Variants in ADAMTS14 observed in about 807,000 individuals in gnomAD.
The protein encoded by ADAMTS14 is A disintegrin and metalloproteinase with thrombospondin motifs 14.
Under a neutral mutation model 128.6 loss-of-function variants are expected in ADAMTS14, and 100 were observed. The ratio of observed to expected loss-of-function variants is 0.78; its 90% CI spans 0.66 to 0.92. ADAMTS14 has a LOEUF of 0.92. Among genes scored for constraint, ADAMTS14 ranks in the 40% least tolerant of loss-of-function variants. The probability of loss-of-function intolerance (pLI) is 0.00; values close to 1 mark genes in which losing one functional copy is unlikely to be tolerated. For synonymous variants in ADAMTS14, 665 were observed against 653.8 expected, an observed-to-expected ratio of 1.02 and a Z score of -0.26; for missense variants, 1,562 against 1,658.6, an observed-to-expected ratio of 0.94 and a Z score of 1.01.
At chr10:70,700,579 T>G (rs1269490046) in intron 2 of ADAMTS14, among the ~76,000 whole-genome samples, 1 of 151,412 alleles carries the variant, frequency 6.6e-6, no homozygotes, top group Non-Finnish European at 1.5e-5. Context: ...GTGGCAAGAG[T>G]GTTGGGCCTC....
chr10:70,701,197 C>T (rs1840482591), intron 2 of ADAMTS14, among the ~76,000 whole-genome samples: 1 of 152,206 alleles, frequency 6.6e-6, no homozygotes, highest in Non-Finnish European at 1.5e-5. Context: ...TCCTAAGATG[C>T]AGCCTCAGAA....
intron 1 of ADAMTS14, among the ~76,000 whole-genome samples, chr10:70,673,958 T>C (rs1024079950): frequency 6.6e-6 from 1 of 152,208 alleles, no homozygotes; most frequent in Admixed American, 6.5e-5. Flanking sequence ...GGCTCGGCCA[T>C]ACAGAGATCT....
At chr10:70,757,546 A>G (rs1039211006) in intron 19 of ADAMTS14, among the ~76,000 whole-genome samples, 4 of 152,094 alleles carry the variant, frequency 2.6e-5, no homozygotes, top group Admixed American at 2.6e-4. Context: ...AGGTCACACC[A>G]TGTAGTGGAT....
intron 11 of ADAMTS14, among the ~76,000 whole-genome samples, chr10:70,739,941 G>T (rs1463301789): frequency 1.3e-5 from 2 of 152,184 alleles, no homozygotes; most frequent in East Asian, 3.8e-4. Context: ...ACTTTCATCT[G>T]TCGGGAATAC....
chr10:70,723,600 C>T (rs1841337998), intron 4 of ADAMTS14, among the ~76,000 whole-genome samples: 1 of 152,136 alleles, frequency 6.6e-6, no homozygotes, highest in African/African-American at 2.4e-5. Context: ...TGAAGCAATG[C>T]AAGGAGGCGC....
intron 10 of ADAMTS14, 77 bp downstream of exon 10, chr10:70,736,870 G>A: frequency 7.4e-7 from 1 of 1,348,716 alleles, no homozygotes; most frequent in Admixed American, 1.9e-5. Flanking sequence ...GTGGATCCCA[G>A]AGTGAACCCT....
chr10:70,745,188 T>A, intron 14 of ADAMTS14, 38 bp from the exon 15 acceptor site: 1 of 1,598,812 alleles, frequency 6.3e-7, no homozygotes, highest in South Asian at 1.1e-5. Context: ...ACCACCAGCT[T>A]AGGATGCTCA....
intron 4 of ADAMTS14, among the ~76,000 whole-genome samples, chr10:70,717,295 G>C (rs566958668): frequency 9.6e-4 from 146 of 152,226 alleles, no homozygotes; most frequent in Non-Finnish European, 1.8e-3. Context: ...GAGAGAGGAG[G>C]GCTGTCTACA....
chr10:70,727,845 C>T (rs902132732), intron 4 of ADAMTS14, among the ~76,000 whole-genome samples: 2 of 152,202 alleles, frequency 1.3e-5, no homozygotes, highest in Non-Finnish European at 2.9e-5. Context: ...CCTGTAATCC[C>T]AGCACTTTGG....
chr10:70,743,786 C>T (rs4746063), intron 13 of ADAMTS14, 105 bp downstream of exon 13: 281,344 of 1,411,298 alleles, frequency 0.2, 31,640 homozygotes, highest in East Asian at 0.55. Flanking sequence ...CCGGCCCACT[C>T]GCAACACCCT....
Position 70,710,807 on chromosome 10 carries a change from T to C in ADAMTS14, c.870+2029T>C, listed in dbSNP as rs563068181. Among the ~76,000 whole-genome samples, 183 of 152,208 alleles carry C rather than the reference T, an allele frequency of 1.2e-3. No individual in the cohort carries two copies. The South Asian group carries it at 0.012, about 10-fold the overall frequency. ...CAGAGCATGCGCTGTCAGTGGGTGGTGGTTGGTGATAATAATGTGACCTTC... is the reference window on the plus strand; with the variant it reads ...CAGAGCATGCGCTGTCAGTGGGTGGCGGTTGGTGATAATAATGTGACCTTC... On this transcript the variant is annotated intron_variant, in intron 4 of 21. Transcript: ENST00000373207.
chr10:70,723,672 G>A lies in ADAMTS14; in HGVS notation c.871-5622G>A, dbSNP rs114270743. ...TCTGCTTCTGTTTGAGCGCGGGTGG[G>A]CTTAATACCCCCAGGGTCTTGCTTT... On this transcript the variant is annotated intron_variant, in intron 4 of 21. Coordinates refer to ENST00000373207, the MANE Select transcript of ADAMTS14 (RefSeq NM_080722.4). Among the ~76,000 whole-genome samples, 264 of 152,346 alleles carry A rather than the reference G, an allele frequency of 1.7e-3. 1 individual carries two copies. The highest frequency in any genetic ancestry group is 6.2e-3 in the African/African-American group (257 of 41,580).
At chr10:70,741,678 A>G in intron 12 of ADAMTS14, among the ~76,000 whole-genome samples, 1 of 152,166 alleles carries the variant, frequency 6.6e-6, no homozygotes, top group East Asian at 1.9e-4. Flanking sequence ...AGGCACGCAG[A>G]TAGGATCTGG....
chr10:70,692,497 A>G (rs1022925691), intron 2 of ADAMTS14, among the ~76,000 whole-genome samples: 2 of 152,218 alleles, frequency 1.3e-5, no homozygotes, highest in African/African-American at 4.8e-5. Flanking sequence ...AAGTTGAATG[A>G]CAGAAAAGGA....
rs778902047 is a variant in ADAMTS14, at chr10:70,749,998, CTG to C, written c.2427+16_2427+17del. 3.7e-6 allele frequency: 6 copies of C among 1,613,128 alleles called. No individual in the cohort carries two copies. Among genetic ancestry groups the C allele is most frequent in the African/African-American group, 1.3e-5 (1 of 74,912 alleles). ...CATTGCCATCCTGGTGAGCCCCACT[CTG>C]TGCGGTGGCAACCCCTGCCCACCCC... On this transcript the variant is annotated intron_variant, in intron 16 of 21. Transcript: ENST00000373207.
intron 11 of ADAMTS14, among the ~76,000 whole-genome samples, chr10:70,739,438 C>T (rs1346952045): frequency 6.6e-6 from 1 of 152,016 alleles, no homozygotes; most frequent in East Asian, 1.9e-4. Flanking sequence ...AGCTCCTTCC[C>T]CTCTTCCCCA....
chr10:70,739,400 A>T (rs1841926442), intron 11 of ADAMTS14, among the ~76,000 whole-genome samples: 1 of 151,716 alleles, frequency 6.6e-6, no homozygotes, highest in South Asian at 2.1e-4. Context: ...ATCTCCCTTT[A>T]ATTTTTCTTA....
intron 21 of ADAMTS14, 58 bp downstream of exon 21, chr10:70,758,343 T>C: frequency 6.7e-7 from 1 of 1,490,666 alleles, no homozygotes; most frequent in Non-Finnish European, 9.2e-7. Flanking sequence ...GCCCTGGTGT[T>C]GCAGCATGGG....
chr10:70,697,765 G>C (rs183677169), intron 2 of ADAMTS14, among the ~76,000 whole-genome samples: 1 of 118,572 alleles, frequency 8.4e-6, no homozygotes, highest in East Asian at 2.0e-4. Flanking sequence ...GGTGTCCTGG[G>C]CTTACACCCT....
Sources: gnomAD v4.1 joint callset for allele counts (sites outside exome capture counted in the v4.1 genomes callset) on GRCh38, gnomAD v4.1.1 for gene constraint, MANE v1.5 for transcripts, NCBI Gene and HGNC (gene_info 2026-07-23, HGNC 2026-07-21) for gene names.